PLEKHA7: variants seen among roughly 807,000 people sequenced by gnomAD.
The protein encoded by PLEKHA7 is pleckstrin homology domain-containing family A member 7.
PLEKHA7 carries 104 observed loss-of-function variants against 170.0 expected under a neutral mutation model. The ratio of observed to expected loss-of-function variants is 0.61; its 90% CI spans 0.52 to 0.72. The LOEUF (loss-of-function observed/expected upper bound fraction) is 0.72. Ranked by LOEUF, PLEKHA7 falls within the 30% of genes least tolerant of loss-of-function variation. PLEKHA7 has a pLI of 0.00. For synonymous variants in PLEKHA7, 648 were observed against 660.8 expected (o/e 0.98, Z 0.30); for missense variants, 1,615 against 1,671.7 (o/e 0.97, Z 0.59).
intron 9 of PLEKHA7, among the ~76,000 whole-genome samples, chr11:16,837,297 C>T (rs1455238111): frequency 6.6e-6 from 1 of 152,184 alleles, no homozygotes. Flanking sequence ...AAATCTGATG[C>T]TAAAAAATAC....
At chr11:16,812,447 A>G (rs184145918) in intron 13 of PLEKHA7, 145 of 152,324 alleles carry the variant, frequency 9.5e-4, no homozygotes, top group African/African-American at 3.4e-3. Flanking sequence ...CCTCCAGTCT[A>G]TTTCATGGCT....
rs545393853 is a variant in PLEKHA7, at chr11:17,013,940, A to ACCCC, written c.221+45_221+48dup. 2.2e-5 allele frequency: 29 copies of ACCCC among 1,298,322 alleles called. No individual in the cohort carries two copies. In the African/African-American group the frequency reaches 4.2e-4, roughly 19 times the overall value. 80.4% of individuals were successfully genotyped at this position (1,298,322 alleles called of 1,614,324 possible). ...GGGCGCCCGGCGGGAACGGGGAGGG[A>ACCCC]CCCCCCCCCCGCGGCACAGGTGCGA... On this transcript the variant is annotated intron_variant, in intron 3 of 26. Transcript: ENST00000531066.
intron 3 of PLEKHA7, among the ~76,000 whole-genome samples, chr11:16,993,441 A>G (rs534598871): frequency 3.3e-5 from 5 of 152,276 alleles, no homozygotes; most frequent in East Asian, 3.9e-4. Context: ...CCCATGGGTC[A>G]TTCACAGAGA....
Position 16,791,785 on chromosome 11 carries a change from G to A in PLEKHA7, c.2746-586C>T, listed in dbSNP as rs1590131632. ...CTCAGACAGAACAGGCGGTCAGGAT[G>A]AGTGACTCACTGCCTACCATGCAGT... On this transcript the variant is annotated intron_variant, in intron 19 of 26. Coordinates refer to ENST00000531066, the MANE Select transcript of PLEKHA7 (RefSeq NM_001329630.2). The surrounding 1 kb of genome is among the most constrained non-coding windows in gnomAD (Gnocchi z 4.5). The A allele has an allele frequency of 2.4e-6, 1 of 417,312 alleles. No homozygotes were observed. Among genetic ancestry groups the A allele is most frequent in the East Asian group, 7.1e-5 (1 of 14,094 alleles). 25.9% of individuals were successfully genotyped at this position (417,312 alleles called of 1,614,324 possible).
At chr11:17,003,861 G>A (rs571817364) in intron 3 of PLEKHA7, among the ~76,000 whole-genome samples, 145 of 152,202 alleles carry the variant, frequency 9.5e-4, no homozygotes, top group African/African-American at 3.1e-3. Context: ...GAAGTGATCC[G>A]GCACAACTCA....
At chr11:16,966,804 C>A (rs1209791130) in intron 3 of PLEKHA7, among the ~76,000 whole-genome samples, 1 of 152,132 alleles carries the variant, frequency 6.6e-6, no homozygotes, top group African/African-American at 2.4e-5. Context: ...CAGCCCCACC[C>A]CTGCTCTGGC....
intron 3 of PLEKHA7, among the ~76,000 whole-genome samples, chr11:16,872,910 T>C (rs983044477): frequency 7.9e-5 from 12 of 152,186 alleles, no homozygotes; most frequent in African/African-American, 2.9e-4. Context: ...AAAAAGTCCT[T>C]ATCCCATGGT....
intron 9 of PLEKHA7, among the ~76,000 whole-genome samples, chr11:16,836,216 G>T (rs972479908): frequency 2.0e-5 from 3 of 152,192 alleles, no homozygotes; most frequent in Non-Finnish European, 4.4e-5. Context: ...ATGTGCCAGG[G>T]ACCTCCTCGT....
intron 3 of PLEKHA7, among the ~76,000 whole-genome samples, chr11:17,011,575 G>C (rs748280021): frequency 1.3e-5 from 2 of 152,058 alleles, no homozygotes; most frequent in Admixed American, 6.5e-5. Context: ...CTGTGACCAT[G>C]CATTCTCCTG....
At position 16,840,164 on chromosome 11, in the gene PLEKHA7, G is replaced by A. The variant is rs141552222; in HGVS notation, c.872+1383C>T. Among the ~76,000 whole-genome samples, 12 of 152,304 alleles carry A rather than the reference G, an allele frequency of 7.9e-5. No homozygotes were observed. The East Asian group carries it at 1.9e-3, about 24-fold the overall frequency. ...AGCTCCTAGGGCAGTCTTTGGTCCT[G>A]TCCTGTTCAACATCTTCATTCATTC... On this transcript the variant is annotated intron_variant, in intron 9 of 26. Transcript: ENST00000531066.
At chr11:16,897,922 C>T (rs1261484257) in intron 3 of PLEKHA7, among the ~76,000 whole-genome samples, 1 of 152,188 alleles carries the variant, frequency 6.6e-6, no homozygotes, top group Non-Finnish European at 1.5e-5. Context: ...GTGGCAATCA[C>T]TACCCACTTC....
At chr11:16,786,488 G>T (rs1849404421) in intron 23 of PLEKHA7, 101 bp from the exon 24 acceptor site, 2 of 1,505,834 alleles carry the variant, frequency 1.3e-6, no homozygotes, top group African/African-American at 1.4e-5. Flanking sequence ...ATGAACCTGT[G>T]ATCCCCTTAG....
intron 3 of PLEKHA7, among the ~76,000 whole-genome samples, chr11:16,987,966 G>A (rs1278968228): frequency 6.6e-6 from 1 of 152,182 alleles, no homozygotes; most frequent in Non-Finnish European, 1.5e-5. Flanking sequence ...ACCACCACTG[G>A]GTGAAGTTTT....
chr11:16,928,903 T>TAATA (rs553081373), intron 3 of PLEKHA7, among the ~76,000 whole-genome samples: 20 of 152,182 alleles, frequency 1.3e-4, no homozygotes, highest in South Asian at 1.0e-3. Flanking sequence ...AAAGTTCAGT[T>TAATA]AATAAATAAA....
rs116246000 is a variant in PLEKHA7, at chr11:16,835,579, A to G, written c.872+5968T>C. ...TCCTATGGAAGTTAATACAGCTGAT[A>G]GGGAGCACCTACTATGTCTCAGGCA... On this transcript the variant is annotated intron_variant, in intron 9 of 26. Transcript: ENST00000531066. Among the ~76,000 whole-genome samples, 715 of 152,332 alleles carry G rather than the reference A, an allele frequency of 4.7e-3. 6 individuals carry two copies. Among genetic ancestry groups the G allele is most frequent in the African/African-American group, 0.016 (676 of 41,578 alleles).
intron 3 of PLEKHA7, among the ~76,000 whole-genome samples, chr11:16,992,083 C>CG (rs397849654): frequency 3.3e-5 from 5 of 152,080 alleles, no homozygotes; most frequent in Admixed American, 1.3e-4. Flanking sequence ...GGACCCCCCC[C>CG]AGCCTGGGCA....
intron 3 of PLEKHA7, among the ~76,000 whole-genome samples, chr11:16,933,903 A>G (rs538479369): frequency 6.6e-6 from 1 of 152,186 alleles, no homozygotes; most frequent in Non-Finnish European, 1.5e-5. Context: ...CAAGGCTGAG[A>G]GCACGCTGCC....
chr11:17,014,292 C>A, intron 1 of PLEKHA7, 24 bp downstream of exon 1: 1 of 1,427,436 alleles, frequency 7.0e-7, no homozygotes, highest in South Asian at 1.5e-5. Context: ...CGCGTCCCCG[C>A]GTCCCCGGGT....
chr11:16,798,240 G>A lies in PLEKHA7; in HGVS notation c.2409+2734C>T, dbSNP rs531353123. Among the ~76,000 whole-genome samples the A allele has an allele frequency of 2.2e-4, 34 of 152,362 alleles. No individual in the cohort carries two copies. In the South Asian group the frequency reaches 6.6e-3, roughly 30 times the overall value. ...GGGCTCTAACAGCCTGCCTGGCCTA[G>A]AATGACACCAAAGAAGCTAGCACAG... On this transcript the variant is annotated intron_variant, in intron 17 of 26. Coordinates refer to ENST00000531066, the MANE Select transcript of PLEKHA7 (RefSeq NM_001329630.2).
Sources: allele counts gnomAD v4.1 joint callset (sites outside exome capture counted in the v4.1 genomes callset), GRCh38; gene constraint gnomAD v4.1.1; non-coding constraint Gnocchi (gnomAD v3.1); transcripts MANE v1.5; gene names NCBI Gene and HGNC (gene_info 2026-07-23, HGNC 2026-07-21).